The following CEP128 variants were observed in gnomAD, a reference collection of about 807,000 sequenced individuals.
CEP128 encodes the protein centrosomal protein 128kDa.
A neutral mutation model predicts 156.7 loss-of-function variants in CEP128; 132 were observed. The observed-to-expected ratio is 0.84, with a 90% confidence interval of 0.73 to 0.97. The LOEUF is 0.97. Among genes scored for constraint, CEP128 ranks in the 50% least tolerant of loss-of-function variants. The pLI is 0.00. For missense variants in CEP128, 1,252 were observed against 1,281.9 expected, an observed-to-expected ratio of 0.98 and a Z score of 0.36; for synonymous variants, 469 against 448.9, an observed-to-expected ratio of 1.04 and a Z score of -0.57.
At chr14:80,641,101 T>C (rs1894389638) in intron 19 of CEP128, among the ~76,000 whole-genome samples, 1 of 152,188 alleles carries the variant, frequency 6.6e-6, no homozygotes, top group South Asian at 2.1e-4. Flanking sequence ...GTAGACCCTC[T>C]CCGAGGACCT....
intron 2 of CEP128, among the ~76,000 whole-genome samples, chr14:80,924,947 T>C (rs754275983): frequency 1.3e-4 from 19 of 151,824 alleles, no homozygotes; most frequent in Non-Finnish European, 1.9e-4. Context: ...ATAGCAGGGA[T>C]GAATTAACTC....
At chr14:80,484,333 T>C (rs1214092426) in intron 14 of CEP128, among the ~76,000 whole-genome samples, 1 of 152,200 alleles carries the variant, frequency 6.6e-6, no homozygotes, top group Non-Finnish European at 1.5e-5. Flanking sequence ...TGGCTACTAA[T>C]TATAAAATGC....
Position 80,739,585 on chromosome 14 carries a change from A to G in CEP128, c.2806+3490T>C, listed in dbSNP as rs374320680. Reference sequence around the variant, plus strand: ...TACAGAATCATACTCTAAAAGTTATAGTCATTCTACTCTTAAAGACTGAGA... The same window carrying G: ...TACAGAATCATACTCTAAAAGTTATGGTCATTCTACTCTTAAAGACTGAGA... On this transcript the variant is annotated intron_variant, in intron 19 of 24. Transcript: ENST00000555265. 1.4e-4 allele frequency among the ~76,000 whole-genome samples: 22 copies of G among 152,304 alleles called. No homozygotes were observed. In the East Asian group the frequency reaches 3.9e-3, roughly 27 times the overall value.
At chr14:80,732,967 G>A (rs566509247) in intron 19 of CEP128, among the ~76,000 whole-genome samples, 30 of 152,190 alleles carry the variant, frequency 2.0e-4, no homozygotes, top group Admixed American at 5.2e-4. Flanking sequence ...GAGCCACAGG[G>A]TGCCCAGATA....
intron 21 of CEP128, among the ~76,000 whole-genome samples, chr14:80,541,937 T>G (rs1472446496): frequency 1.3e-5 from 2 of 152,106 alleles, no homozygotes; most frequent in Non-Finnish European, 2.9e-5. Context: ...GAAAAGTTCC[T>G]GATCCCTCTA....
chr14:80,865,622 G>C (rs537636610), intron 8 of CEP128, among the ~76,000 whole-genome samples: 38 of 152,090 alleles, frequency 2.5e-4, no homozygotes, highest in Non-Finnish European at 4.7e-4. Flanking sequence ...TTCTAATAAA[G>C]AGGACACTGC....
At chr14:80,652,960 C>T (rs761185913) in intron 19 of CEP128, among the ~76,000 whole-genome samples, 2 of 152,110 alleles carry the variant, frequency 1.3e-5, no homozygotes, top group Non-Finnish European at 2.9e-5. Context: ...TAATGATAGA[C>T]TGGATTAGCA....
intron 19 of CEP128, among the ~76,000 whole-genome samples, chr14:80,628,039 C>G (rs765758715): frequency 1.3e-5 from 2 of 152,014 alleles, no homozygotes; most frequent in Non-Finnish European, 2.9e-5. Context: ...CGGGAGTAAG[C>G]GTACTAGTGA....
At chr14:80,526,235 C>T (rs1361495994) in intron 23 of CEP128, among the ~76,000 whole-genome samples, 2 of 152,044 alleles carry the variant, frequency 1.3e-5, no homozygotes, top group Non-Finnish European at 1.5e-5. Context: ...TAACTGGCCC[C>T]AAATATCAAG....
intron 21 of CEP128, among the ~76,000 whole-genome samples, chr14:80,549,561 T>A (rs892926749): frequency 6.6e-6 from 1 of 152,228 alleles, no homozygotes; most frequent in African/African-American, 2.4e-5. Flanking sequence ...TGTAAAGAGA[T>A]AAAGGCAAGT....
At chr14:80,902,503 A>G (rs1883636571) in intron 6 of CEP128, among the ~76,000 whole-genome samples, 1 of 152,198 alleles carries the variant, frequency 6.6e-6, no homozygotes, top group African/African-American at 2.4e-5. Flanking sequence ...CTTAAGATAC[A>G]CTTTGAGTAC....
At chr14:80,504,411 T>C (rs185524872) in intron 24 of CEP128, among the ~76,000 whole-genome samples, 2 of 152,248 alleles carry the variant, frequency 1.3e-5, no homozygotes, top group Non-Finnish European at 1.5e-5. Context: ...ACGGCAGGGA[T>C]AGATCGTGGC....
At chr14:80,534,641 C>T (rs756609956) in intron 21 of CEP128, among the ~76,000 whole-genome samples, 2 of 151,856 alleles carry the variant, frequency 1.3e-5, no homozygotes, top group South Asian at 2.1e-4. Context: ...CTGGTGAACA[C>T]GGTGAAACCC....
downstream of CEP128, among the ~76,000 whole-genome samples, chr14:80,488,105 T>A (rs971294876): frequency 1.4e-5 from 2 of 140,346 alleles, no homozygotes; most frequent in African/African-American, 5.1e-5. Context: ...TTTGAAAAGA[T>A]CAACAAAATC....
At chr14:80,863,979 T>A (rs1396665751) in intron 8 of CEP128, among the ~76,000 whole-genome samples, 1 of 152,178 alleles carries the variant, frequency 6.6e-6, no homozygotes, top group Non-Finnish European at 1.5e-5. Flanking sequence ...ACTGCAAAGG[T>A]CTACTTATAA....
intron 19 of CEP128, among the ~76,000 whole-genome samples, chr14:80,674,259 C>A (rs1054745636): frequency 6.6e-6 from 1 of 151,966 alleles, no homozygotes; most frequent in African/African-American, 2.4e-5. Context: ...GCAATGGACA[C>A]CATGCTTAGA....
chr14:80,582,512 A>G (rs1018049990), intron 19 of CEP128, among the ~76,000 whole-genome samples: 3 of 152,054 alleles, frequency 2.0e-5, no homozygotes, highest in African/African-American at 7.2e-5. Context: ...ACTTTATGTC[A>G]TTCCACTCAA....
chr14:80,737,925 A>G (rs1432304480), intron 19 of CEP128, among the ~76,000 whole-genome samples: 1 of 152,182 alleles, frequency 6.6e-6, no homozygotes, highest in East Asian at 1.9e-4. Flanking sequence ...AATTTTAAAA[A>G]ATTAACCAGA....
chr14:80,537,867 A>G (rs1889557788), intron 21 of CEP128, among the ~76,000 whole-genome samples: 1 of 152,164 alleles, frequency 6.6e-6, no homozygotes, highest in African/African-American at 2.4e-5. Context: ...TGCATTGGAA[A>G]TCAGCATCCC....
Sources: gnomAD v4.1 joint callset for allele counts (sites outside exome capture counted in the v4.1 genomes callset) on GRCh38, gnomAD v4.1.1 for gene constraint, MANE v1.5 for transcripts, NCBI Gene and HGNC (gene_info 2026-07-23, HGNC 2026-07-21) for gene names.